ZNF846: variants seen among roughly 807,000 people sequenced by gnomAD.
ZNF846 encodes zinc finger protein 846.
A neutral mutation model predicts 16.0 loss-of-function variants in ZNF846; 15 were observed. The observed-to-expected ratio is 0.94, with a 90% CI of 0.63 to 1.45. ZNF846 has a LOEUF of 1.45. ZNF846 is among the 40% of genes most tolerant of loss of function. The probability of loss-of-function intolerance (pLI) is 0.00; values close to 1 mark genes in which losing one functional copy is unlikely to be tolerated. For missense variants in ZNF846, 714 were observed against 622.3 expected (o/e 1.15, Z -1.57); for synonymous variants, 229 against 212.0 (o/e 1.08, Z -0.70).
intron 5 of ZNF846, 124 bp from the exon 6 acceptor site, chr19:9,758,888 TAC>T: frequency 1.2e-6 from 1 of 826,538 alleles, no homozygotes; most frequent in Non-Finnish European, 1.8e-6. Context: ...CCATTATATG[TAC>T]AGAGTTCCAG....
At position 9,775,744 on chromosome 19, in the gene ZNF846, G is replaced by A. The variant is rs1441728973; in HGVS notation, c.-86+10194C>T. ...GCTCACTTGGGCAGTGCTTTGATGG[G>A]TTTGTGTGTGGGGTCCCTTGTGGGC... On this transcript the variant is annotated intron_variant, in intron 1 of 4. Coordinates refer to the ZNF846 transcript ENST00000586814. Among the ~76,000 whole-genome samples the A allele has an allele frequency of 2.0e-5, 3 of 152,314 alleles. No homozygotes were observed. The East Asian group carries it at 5.8e-4, about 29-fold the overall frequency.
chr19:9,762,132 C>T, exon 4 of ZNF846: 1 of 1,614,088 alleles, frequency 6.2e-7, no homozygotes, highest in Middle Eastern at 1.6e-4. Context: ...TTGTTCCAAT[C>T]CAGACATGAG....
At chr19:9,768,800 G>A (rs1486015797), upstream of ZNF846, 1 of 152,302 alleles carries the variant, frequency 6.6e-6, no homozygotes, top group Non-Finnish European at 1.5e-5. Context: ...TAGGGGCCGA[G>A]CCCCAAGAGC....
intron 2 of ZNF846, among the ~76,000 whole-genome samples, chr19:9,764,487 A>G (rs927238877): frequency 9.2e-5 from 14 of 152,278 alleles, no homozygotes; most frequent in African/African-American, 3.4e-4. Flanking sequence ...TATGTTAAAG[A>G]ATTACTTCAT....
rs1254169009 is a variant in ZNF846, at chr19:9,762,427, T to TA, written c.143-260dup. ...CCAAGGCAGGGAGATCACTTGAGGT[T>TA]AGGAGTTCAAGACCAGCCTGGCCAA... On this transcript the variant is annotated intron_variant, in intron 3 of 5. Transcript: ENST00000397902. 2.7e-5 allele frequency: 9 copies of TA among 331,482 alleles called. No homozygotes were observed. The Admixed American group carries it at 4.1e-4, about 15-fold the overall frequency. The allele number at this position is 331,482 out of a possible 1,614,324, so 20.5% of individuals were successfully genotyped here.
At chr19:9,780,766 A>G (rs1319199716) in intron 1 of ZNF846, among the ~76,000 whole-genome samples, 2 of 152,028 alleles carry the variant, frequency 1.3e-5, no homozygotes, top group Non-Finnish European at 1.5e-5. Context: ...GTGATGTTTT[A>G]CTCCCAGTTC....
chr19:9,762,186 C>A lies in ZNF846; in HGVS notation c.143-18G>T. ...AGACCCTGCTGGAGGGAAAAATGCACAAAAGAAGAGGCCCATGCAAGACAT... is the reference window on the plus strand; with the variant it reads ...AGACCCTGCTGGAGGGAAAAATGCAAAAAAGAAGAGGCCCATGCAAGACAT... On this transcript the variant is annotated intron_variant, in intron 3 of 5. Transcript: ENST00000397902. The A allele has an allele frequency of 1.2e-6, 2 of 1,605,680 alleles. No individual in the cohort carries two copies. The highest frequency in any genetic ancestry group is 1.7e-6 in the Non-Finnish European group (2 of 1,172,586).
At chr19:9,764,707 G>C (rs937299323) in intron 2 of ZNF846, 7 of 557,496 alleles carry the variant, frequency 1.3e-5, no homozygotes, top group Non-Finnish European at 1.9e-5. Flanking sequence ...TGGGAACAAA[G>C]AGAGAGCCCC....
At chr19:9,780,418 TAAAC>T (rs1276280566) in intron 1 of ZNF846, among the ~76,000 whole-genome samples, 1 of 152,104 alleles carries the variant, frequency 6.6e-6, no homozygotes, top group Non-Finnish European at 1.5e-5. Context: ...CAAATCTTCT[TAAAC>T]AGTCTTAAAT....
chr19:9,775,361 G>A (rs2145300356), intron 1 of ZNF846, among the ~76,000 whole-genome samples: 1 of 152,062 alleles, frequency 6.6e-6, no homozygotes, highest in East Asian at 1.9e-4. Context: ...CAGATATTAA[G>A]ACATACTATA....
At position 9,777,119 on chromosome 19, in the gene ZNF846, G is replaced by A. The variant is rs1451708261; in HGVS notation, c.-86+8819C>T. Among the ~76,000 whole-genome samples the A allele has an allele frequency of 3.3e-5, 5 of 149,924 alleles. No homozygotes were observed. The East Asian group carries it at 5.8e-4, about 18-fold the overall frequency. On this transcript the variant is annotated intron_variant, in intron 1 of 4. Coordinates refer to the ZNF846 transcript ENST00000586814. ...GATTCAGGATCATTAAAAAAAAGAA[G>A]AAGAAGAACGAAAGAAAACACACAC...
intron 1 of ZNF846, among the ~76,000 whole-genome samples, chr19:9,780,192 T>C (rs2045488801): frequency 6.6e-6 from 1 of 151,332 alleles, no homozygotes; most frequent in African/African-American, 2.4e-5. Context: ...ACCTGGCCAC[T>C]CTTTTTTTCT....
At chr19:9,777,113 AAAGAAG>A (rs141980135) in intron 1 of ZNF846, among the ~76,000 whole-genome samples, 2 of 151,422 alleles carry the variant, frequency 1.3e-5, no homozygotes, top group South Asian at 2.1e-4. Context: ...TCATTAAAAA[AAAGAAG>A]AAGAAGAACG....
chr19:9,781,584 A>T (rs1200165616), intron 1 of ZNF846, among the ~76,000 whole-genome samples: 1 of 152,124 alleles, frequency 6.6e-6, no homozygotes, highest in Non-Finnish European at 1.5e-5. Context: ...TTTAGTCTAG[A>T]CACCTGCTTG....
downstream of ZNF846, among the ~76,000 whole-genome samples, chr19:9,754,589 C>CAAAAAAAAAAAAAAAAA (rs1203086590): frequency 1.2e-4 from 12 of 104,014 alleles, no homozygotes; most frequent in African/African-American, 4.0e-4. Context: ...AAAAAAAAAG[C>CAAAAAAAAAAAAAAAAA]AAAGGGCAAC....
At chr19:9,758,044 T>C in exon 6 of ZNF846, 2 of 1,613,586 alleles carry the variant, frequency 1.2e-6, no homozygotes, top group Non-Finnish European at 1.7e-6. Context: ...ATAAAAGCTT[T>C]TCCACACTCC....
intron 4 of ZNF846, 93 bp from the exon 5 acceptor site, chr19:9,760,035 T>A: frequency 3.4e-6 from 3 of 886,324 alleles, no homozygotes; most frequent in Non-Finnish European, 5.4e-6. Context: ...CTCACACCTG[T>A]AATCCTAGCA....
At chr19:9,758,349 C>T (rs766474585) in exon 6 of ZNF846, 1 of 1,613,016 alleles carries the variant, frequency 6.2e-7, no homozygotes, top group Admixed American at 1.7e-5. Context: ...TCTTCCATGT[C>T]CTATAAGGTG....
In ZNF846 at chr19:9,760,777, G is replaced by C. The variant is rs1339068918; in HGVS notation, c.230-835C>G. Among the ~76,000 whole-genome samples the C allele has an allele frequency of 1.3e-5, 2 of 151,438 alleles. 1 individual carries two copies. The highest frequency in any genetic ancestry group is 4.9e-5 in the African/African-American group (2 of 40,852). ...CTAGAGAGAAAAGGTTACATTGTAT[G>C]ATTCCATTTATATAAGATATACAGA... is the stretch of plus-strand genomic sequence containing the variant. On this transcript the variant is annotated intron_variant, in intron 4 of 5. Transcript: ENST00000397902.
Sources: allele counts gnomAD v4.1 joint callset (sites outside exome capture counted in the v4.1 genomes callset), GRCh38; gene constraint gnomAD v4.1.1; transcripts MANE v1.5; gene names NCBI Gene and HGNC (gene_info 2026-07-23, HGNC 2026-07-21).